The following PRH1 variants were observed in gnomAD, a reference collection of about 807,000 sequenced individuals.
The protein encoded by PRH1 is proline rich protein HaeIII subfamily 1.
PRH1 carries 7 observed loss-of-function variants against 7.9 expected under a neutral mutation model. The ratio of observed to expected loss-of-function variants is 0.89; its 90% CI spans 0.50 to 1.67. PRH1 has a LOEUF of 1.67. Among genes scored for constraint, PRH1 ranks in the 40% most tolerant of loss-of-function variants. The pLI, the probability that PRH1 is intolerant of heterozygous loss-of-function variation, is 0.00. For missense variants in PRH1, 109 were observed against 223.6 expected (o/e 0.49, Z 3.27); for synonymous variants, 45 against 80.8 (o/e 0.56, Z 2.38).
intron 1 of PRH1, among the ~76,000 whole-genome samples, chr12:11,129,687 G>A (rs986573686): frequency 2.6e-5 from 4 of 152,104 alleles, no homozygotes; most frequent in African/African-American, 9.7e-5. Context: ...TTTTTGTGGG[G>A]CTAGTGATTT....
chr12:10,921,312 T>A (rs971814746), intron 2 of PRH1, among the ~76,000 whole-genome samples: 1 of 152,094 alleles, frequency 6.6e-6, no homozygotes, highest in African/African-American at 2.4e-5. Context: ...TGATATCTTG[T>A]GTATATTTTG....
chr12:11,070,843 C>T (rs754856220), intron 1 of PRH1, among the ~76,000 whole-genome samples: 66,072 of 116,380 alleles, frequency 0.57, 15,321 homozygotes, highest in Non-Finnish European at 0.65. Flanking sequence ...TTTGCGTTGG[C>T]TTTTTCAGAG....
At chr12:11,107,606 TAAC>T (rs542704976) in intron 1 of PRH1, among the ~76,000 whole-genome samples, 215 of 152,212 alleles carry the variant, frequency 1.4e-3, no homozygotes, top group African/African-American at 5.0e-3. Context: ...TGTTAAAAAA[TAAC>T]AAATTTGGAG....
At chr12:11,066,825 G>T (rs1481050783) in intron 1 of PRH1, among the ~76,000 whole-genome samples, 2 of 151,528 alleles carry the variant, frequency 1.3e-5, no homozygotes, top group Admixed American at 6.6e-5. Context: ...ATCCTCATGT[G>T]GTAGTTCATC....
At chr12:11,140,093 T>C (rs1485025007) in intron 1 of PRH1, among the ~76,000 whole-genome samples, 1 of 151,964 alleles carries the variant, frequency 6.6e-6, no homozygotes, top group East Asian at 1.9e-4. Flanking sequence ...TTATATTTCA[T>C]TATAAATTTG....
intron 1 of PRH1, among the ~76,000 whole-genome samples, chr12:11,101,814 T>C (rs1378882800): frequency 6.6e-6 from 1 of 152,120 alleles, no homozygotes; most frequent in Non-Finnish European, 1.5e-5. Flanking sequence ...CTGCCCAAAA[T>C]CTCCTTAAGC....
At chr12:11,105,475 A>G (rs545024557) in intron 1 of PRH1, among the ~76,000 whole-genome samples, 1 of 152,294 alleles carries the variant, frequency 6.6e-6, no homozygotes, top group African/African-American at 2.4e-5. Context: ...ATGCCAGTGG[A>G]TGAAATCAAT....
intron 2 of PRH1, among the ~76,000 whole-genome samples, chr12:10,924,126 T>A (rs1161696803): frequency 6.7e-6 from 1 of 150,208 alleles, no homozygotes; most frequent in Non-Finnish European, 1.5e-5. Flanking sequence ...TAGCTGGGAC[T>A]ACAGGCGCCT....
chr12:11,034,329 A>G (rs35356897), intron 1 of PRH1, among the ~76,000 whole-genome samples: 2,895 of 19,402 alleles, frequency 0.15, 345 homozygotes, highest in Non-Finnish European at 0.21. Flanking sequence ...ACATTCTTTC[A>G]TATATCATTT....
intron 2 of PRH1, among the ~76,000 whole-genome samples, chr12:10,935,119 G>A (rs960448980): frequency 1.3e-5 from 2 of 152,076 alleles, no homozygotes; most frequent in African/African-American, 4.8e-5. Flanking sequence ...TGAATGCTGA[G>A]TGCTGATAAT....
chr12:10,893,839 G>C (rs1282394188), intron 2 of PRH1, among the ~76,000 whole-genome samples: 1 of 151,860 alleles, frequency 6.6e-6, no homozygotes, highest in African/African-American at 2.4e-5. Context: ...GAACGTAATT[G>C]TTCTTCAAAA....
chr12:10,965,043 T>C (rs999782910), intron 2 of PRH1: 34 of 966,086 alleles, frequency 3.5e-5, no homozygotes, highest in Non-Finnish European at 5.2e-5. Context: ...AAATAAAATA[T>C]GCTGAGGCTA....
Position 11,093,215 on chromosome 12 carries a change from T to C in PRH1, n.124-46027A>G, listed in dbSNP as rs1944983709. Among the ~76,000 whole-genome samples, 2 of 116,002 alleles carry C rather than the reference T, an allele frequency of 1.7e-5. 1 individual carries two copies. Among genetic ancestry groups the C allele is most frequent in the African/African-American group, 5.8e-5 (2 of 34,590 alleles). The allele number at this position is 116,002 out of a possible 152,430, so 76.1% of individuals were successfully genotyped here. A position where few individuals can be genotyped will look rare whatever the true frequency, so the allele number is the denominator to read the frequency against. On this transcript the variant is annotated intron_variant and non_coding_transcript_variant, in intron 1 of 4. Transcript: ENST00000541977. The stretch of plus-strand genomic sequence containing the variant: ...GGGAGCTTGGTCATAACTAAGATCA[T>C]CACCAATGCGGACTTTTTTAAATCA...
intron 1 of PRH1, among the ~76,000 whole-genome samples, chr12:11,147,596 T>C (rs1946905765): frequency 1.3e-5 from 2 of 152,244 alleles, no homozygotes; most frequent in South Asian, 4.1e-4. Context: ...CTTATGCTAA[T>C]AGTACCTGTT....
chr12:11,045,234 GAC>G (rs1942861045), intron 1 of PRH1, among the ~76,000 whole-genome samples: 1 of 151,220 alleles, frequency 6.6e-6, no homozygotes, highest in Non-Finnish European at 1.5e-5. Flanking sequence ...AGAAGGCATG[GAC>G]ATAGAGAGTA....
intron 2 of PRH1, among the ~76,000 whole-genome samples, chr12:10,901,313 A>G (rs924969866): frequency 2.0e-5 from 3 of 151,910 alleles, no homozygotes; most frequent in African/African-American, 7.3e-5. Context: ...CAGAGCCCCC[A>G]CTCTCCTGGA....
At chr12:11,147,810 C>T (rs28841011) in intron 1 of PRH1, among the ~76,000 whole-genome samples, 43,764 of 151,766 alleles carry the variant, frequency 0.29, 8,133 homozygotes, top group East Asian at 0.74. Context: ...AAGTAGTTTT[C>T]CAATTCTGTG....
rs189888267 is a variant in PRH1, at chr12:11,087,363, G to A, written n.124-40175C>T. Among the ~76,000 whole-genome samples, 100 of 117,490 alleles carry A rather than the reference G, an allele frequency of 8.5e-4. 27 individuals carry two copies. Among genetic ancestry groups the A allele is most frequent in the Admixed American group, 8.3e-3 (99 of 11,864 alleles). The allele number at this position is 117,490 out of a possible 152,430, so 77.1% of individuals were successfully genotyped here. On this transcript the variant is annotated intron_variant and non_coding_transcript_variant, in intron 1 of 4. Transcript: ENST00000541977. ...CCCACCTTGGCCTCCCAAAGTAGTA[G>A]GACTACAGGCATGAGCCATGACATC... is the stretch of plus-strand genomic sequence containing the variant.
intron 1 of PRH1, among the ~76,000 whole-genome samples, chr12:10,975,398 G>A (rs771390907): frequency 2.0e-5 from 3 of 152,118 alleles, no homozygotes; most frequent in South Asian, 2.1e-4. Flanking sequence ...ACCACCAGCC[G>A]TGCCTCACAA....
Sources: gnomAD v4.1 joint callset for allele counts (sites outside exome capture counted in the v4.1 genomes callset) on GRCh38, gnomAD v4.1.1 for gene constraint, MANE v1.5 for transcripts, NCBI Gene and HGNC (gene_info 2026-07-23, HGNC 2026-07-21) for gene names.